SHANK2: variants seen among roughly 807,000 people sequenced by gnomAD.
SHANK2 encodes SH3 and multiple ankyrin repeat domains 2, also known as SH3 and multiple ankyrin repeat domains protein 2.
Under a neutral mutation model 133.7 loss-of-function variants are expected in SHANK2, and 43 were observed. That is an observed-to-expected ratio of 0.32 (90% CI 0.25 to 0.41). The LOEUF (loss-of-function observed/expected upper bound fraction) is 0.41, where lower values mean the gene tolerates loss of function less well. Among genes scored for constraint, SHANK2 ranks in the 10% least tolerant of loss-of-function variants. SHANK2 has a pLI of 1.00. For synonymous variants in SHANK2, 1,017 were observed against 952.8 expected (o/e 1.07, Z -1.24); for missense variants, 1,994 against 2,235.8 (o/e 0.89, Z 2.18).
intron 17 of SHANK2, among the ~76,000 whole-genome samples, chr11:70,568,027 T>G (rs1441335680): frequency 6.6e-6 from 1 of 152,224 alleles, no homozygotes; most frequent in Non-Finnish European, 1.5e-5. Flanking sequence ...GTCTGGGCCA[T>G]CAGCTGATGG....
At chr11:70,688,121 C>A (rs1331640956) in intron 15 of SHANK2, among the ~76,000 whole-genome samples, 2 of 152,140 alleles carry the variant, frequency 1.3e-5, no homozygotes, top group Non-Finnish European at 2.9e-5. Flanking sequence ...TGCTCTCCAG[C>A]CAGAGTGGTC....
intron 10 of SHANK2, among the ~76,000 whole-genome samples, chr11:70,919,519 A>G (rs1426892109): frequency 1.3e-5 from 2 of 152,078 alleles, no homozygotes; most frequent in Non-Finnish European, 2.9e-5. Flanking sequence ...AATAGCTGGG[A>G]CTAAAGGCGT....
rs888530182 is a variant in SHANK2 at position 70,797,511 on chromosome 11, C to G, written c.1777+932G>C. ...TAGAGACTGCAAAGCCAGCCAGGTC[C>G]AGGACAGACTCCTCCTTGCTTTCCA... On this transcript the variant is annotated intron_variant, in intron 14 of 25. Transcript: ENST00000601538. 3.0e-4 allele frequency among the ~76,000 whole-genome samples: 46 copies of G among 152,172 alleles called. 2 individuals are homozygous for G. Among genetic ancestry groups the G allele is most frequent in the Admixed American group, 2.5e-3 (38 of 15,280 alleles).
intron 17 of SHANK2, among the ~76,000 whole-genome samples, chr11:70,638,505 C>T (rs953870884): frequency 4.6e-5 from 7 of 152,178 alleles, no homozygotes; most frequent in East Asian, 3.8e-4. Context: ...TCTGCTTTAA[C>T]GGAAGCAAAG....
At chr11:70,775,508 T>G (rs551068228) in intron 14 of SHANK2, among the ~76,000 whole-genome samples, 1 of 152,164 alleles carries the variant, frequency 6.6e-6, no homozygotes, top group African/African-American at 2.4e-5. Flanking sequence ...ATTAACCACT[T>G]TGAGGTATCT....
chr11:71,113,180 GC>G, intron 5 of SHANK2, 112 bp downstream of exon 5: 2 of 959,180 alleles, frequency 2.1e-6, no homozygotes, highest in Non-Finnish European at 3.2e-6. Context: ...CACACGCCAT[GC>G]CAGGTACACA....
chr11:70,782,304 G>A (rs1490598013), intron 14 of SHANK2, among the ~76,000 whole-genome samples: 3 of 152,240 alleles, frequency 2.0e-5, no homozygotes, highest in Admixed American at 6.5e-5. Context: ...TGATCAGCTC[G>A]CCTTGGCCTC....
chr11:70,942,471 T>C (rs1421471840), intron 10 of SHANK2: 1 of 449,498 alleles, frequency 2.2e-6, no homozygotes, highest in Non-Finnish European at 4.5e-6. Context: ...CACCAAGCTA[T>C]TCATGAGGGA....
At position 70,881,016 on chromosome 11, in the gene SHANK2, A is replaced by T. The variant is rs187671028; in HGVS notation, c.1174+15485T>A. Among the ~76,000 whole-genome samples, 29 of 152,272 alleles carry T rather than the reference A, an allele frequency of 1.9e-4. No homozygotes were observed. In the East Asian group the frequency reaches 5.4e-3, roughly 28 times the overall value. ...GGCATCCCAACCCTGAACGACAATTACTTCTGGAAGCACCTTGAGAGTCTT... is the reference window on the plus strand; with the variant it reads ...GGCATCCCAACCCTGAACGACAATTTCTTCTGGAAGCACCTTGAGAGTCTT... On this transcript the variant is annotated intron_variant, in intron 11 of 25. Transcript: ENST00000601538.
At chr11:70,601,606 C>G (rs571108985) in intron 17 of SHANK2, among the ~76,000 whole-genome samples, 191 of 152,334 alleles carry the variant, frequency 1.3e-3, no homozygotes, top group Non-Finnish European at 2.4e-3. Context: ...CCTGCCTTGG[C>G]CTCCCAAAGT....
chr11:70,605,103 C>A (rs1554991923), intron 17 of SHANK2, among the ~76,000 whole-genome samples: 1 of 152,248 alleles, frequency 6.6e-6, no homozygotes, highest in Non-Finnish European at 1.5e-5. Context: ...CTCTGAGAAT[C>A]CTCAGTGAAG....
At position 70,608,980 on chromosome 11, in the gene SHANK2, G is replaced by C. The variant is rs114808299; in HGVS notation, c.2061+50848C>G. On this transcript the variant is annotated intron_variant, in intron 17 of 25. Coordinates refer to ENST00000601538, the MANE Select transcript of SHANK2 (RefSeq NM_012309.5). ...ACTGCTCAGAGAGAGCTCGCTCCTC[G>C]CTTAGCCATGGTCAGTGGGACTCAA... Among the ~76,000 whole-genome samples, 422 of 152,350 alleles carry C rather than the reference G, an allele frequency of 2.8e-3. 3 individuals are homozygous for C. The highest frequency in any genetic ancestry group is 9.5e-3 in the African/African-American group (393 of 41,578).
At chr11:70,922,969 AT>A (rs1446821269) in intron 10 of SHANK2, among the ~76,000 whole-genome samples, 1 of 152,188 alleles carries the variant, frequency 6.6e-6, no homozygotes, top group Non-Finnish European at 1.5e-5. Flanking sequence ...TGAAAAAAAA[AT>A]CCACACATTT....
intron 17 of SHANK2, among the ~76,000 whole-genome samples, chr11:70,533,422 C>T (rs1298556576): frequency 6.6e-6 from 1 of 152,072 alleles, no homozygotes; most frequent in Non-Finnish European, 1.5e-5. Flanking sequence ...TTCAAGGTCT[C>T]AAATACAGAG....
At chr11:70,653,567 CAAAAAAAAAA>C (rs1157982312) in intron 17 of SHANK2, among the ~76,000 whole-genome samples, 21 of 61,786 alleles carry the variant, frequency 3.4e-4, no homozygotes, top group African/African-American at 6.6e-4. Flanking sequence ...CTCAGCCTTC[CAAAAAAAAAA>C]AAAAAAAAAA....
chr11:70,837,975 C>CAAAAAAAAAAAAAAAAAA (rs55862093), intron 11 of SHANK2, among the ~76,000 whole-genome samples: 2 of 25,176 alleles, frequency 7.9e-5, no homozygotes, highest in African/African-American at 1.3e-4. Context: ...CATTCTGTCT[C>CAAAAAAAAAAAAAAAAAA]AAAAAAAAAA....
chr11:70,871,539 G>A (rs1949464075), intron 11 of SHANK2, among the ~76,000 whole-genome samples: 1 of 152,234 alleles, frequency 6.6e-6, no homozygotes, highest in African/African-American at 2.4e-5. Context: ...GGAGGGAGAG[G>A]CTGTGCCTGG....
Position 70,847,123 on chromosome 11 carries a change from C to T in SHANK2, c.1175-26441G>A, listed in dbSNP as rs1392438188. On this transcript the variant is annotated intron_variant, in intron 11 of 25. Coordinates refer to ENST00000601538, the MANE Select transcript of SHANK2 (RefSeq NM_012309.5). ...CTGCCCCGGCCCATCATCAATCTTG[C>T]GAGGGTCCTTGACTGTGCTGCGACC... Among the ~76,000 whole-genome samples the T allele has an allele frequency of 6.6e-5, 10 of 152,240 alleles. No individual in the cohort carries two copies. In the East Asian group the frequency reaches 1.4e-3, roughly 21 times the overall value.
intron 14 of SHANK2, among the ~76,000 whole-genome samples, chr11:70,723,719 C>T (rs1946115955): frequency 6.6e-6 from 1 of 152,152 alleles, no homozygotes; most frequent in South Asian, 2.1e-4. Flanking sequence ...TGAGCCATGC[C>T]ATATAGCCTT....
Sources: gnomAD v4.1 joint callset for allele counts (sites outside exome capture counted in the v4.1 genomes callset) on GRCh38, gnomAD v4.1.1 for gene constraint, MANE v1.5 for transcripts, NCBI Gene and HGNC (gene_info 2026-07-23, HGNC 2026-07-21) for gene names.